The following SPEN variants were observed in gnomAD, a reference collection of about 807,000 sequenced individuals.
SPEN encodes spen family transcriptional repressor.
A neutral mutation model predicts 269.9 loss-of-function variants in SPEN; 18 were observed. That is an observed-to-expected ratio of 0.07 (90% confidence interval 0.05 to 0.10). The LOEUF (loss-of-function observed/expected upper bound fraction) is 0.10, where lower values mean the gene tolerates loss of function less well. SPEN is among the 10% of genes least tolerant of loss of function. The pLI, the probability that SPEN is intolerant of heterozygous loss-of-function variation, is 1.00. For missense variants in SPEN, 3,822 were observed against 4,631.2 expected, an observed-to-expected ratio of 0.83 and a Z score of 5.07; for synonymous variants, 1,726 against 1,765.7, an observed-to-expected ratio of 0.98 and a Z score of 0.56.
intron 3 of SPEN, among the ~76,000 whole-genome samples, chr1:15,901,378 C>T (rs1338807604): frequency 2.0e-5 from 3 of 151,148 alleles, no homozygotes; most frequent in African/African-American, 7.3e-5. Context: ...CGTGGTGGCT[C>T]ATGCCTGTAA....
chr1:15,922,729 C>T (rs2071131486), intron 10 of SPEN, among the ~76,000 whole-genome samples: 1 of 151,956 alleles, frequency 6.6e-6, no homozygotes, highest in Admixed American at 6.6e-5. Context: ...CTCAAGTGAT[C>T]CTCACACATC....
chr1:15,908,168 G>GTGCTAC (rs1018396435), intron 3 of SPEN, among the ~76,000 whole-genome samples: 2 of 151,028 alleles, frequency 1.3e-5, no homozygotes, highest in Middle Eastern at 3.2e-3. Flanking sequence ...TGAGGTAGTA[G>GTGCTAC]TGCTACTACT....
chr1:15,933,372 C>T lies in SPEN; in HGVS notation c.7132C>T (p.Pro2378Ser), dbSNP rs1460298130. The change falls in exon 11 of 15, where the codon CCC becomes TCC. Residue 2378 changes from proline (P) to serine (S), a missense_variant. Transcript: ENST00000375759. This position sits in a 1 kb window ranked among gnomAD's most constrained non-coding sequence, Gnocchi z 5.7. ...AAATGAGGGGACAACAGTACAGCAC[C>T]CCGAAGCCCCACAGGAAGAAAAGCA... ...AANEGTTVQH[P>S]EAPQEEKQSE... 1 of 1,614,116 alleles carries T rather than the reference C, an allele frequency of 6.2e-7. No individual in the cohort carries two copies. Among genetic ancestry groups the T allele is most frequent in the South Asian group, 1.1e-5 (1 of 91,082 alleles).
In SPEN at chr1:15,889,135, A is replaced by G. The variant is rs147550028; in HGVS notation, c.881+12457A>G. Among the ~76,000 whole-genome samples, 322 of 148,544 alleles carry G rather than the reference A, an allele frequency of 2.2e-3. 3 individuals carry two copies. Among genetic ancestry groups the G allele is most frequent in the African/African-American group, 7.7e-3 (308 of 40,124 alleles). On this transcript the variant is annotated intron_variant, in intron 3 of 14. Transcript: ENST00000375759. ...TAGGAATTCTCATTTTAAAATAAAC[A>G]TTAGCATTTTCTTTCTTTCTTTTCT...
intron 3 of SPEN, among the ~76,000 whole-genome samples, chr1:15,886,535 G>A (rs902886520): frequency 1.3e-5 from 2 of 152,204 alleles, no homozygotes; most frequent in African/African-American, 4.8e-5. Context: ...GGAGGGGCAG[G>A]ACGGCTGTGC....
rs184328908 is a variant in SPEN at position 15,904,344 on chromosome 1, G to A, written c.882-4977G>A. 4.1e-3 allele frequency among the ~76,000 whole-genome samples: 609 copies of A among 150,176 alleles called. 2 individuals are homozygous for A. The highest frequency in any genetic ancestry group is 6.6e-3 in the Admixed American group (98 of 14,846). ...AATACAAAATCACCTGGGCCTGGCG[G>A]CCAACAAACTACTTGGGAGGCTGAG... On this transcript the variant is annotated intron_variant, in intron 3 of 14. Transcript: ENST00000375759.
chr1:15,862,874 G>T (rs2070461773), intron 1 of SPEN, among the ~76,000 whole-genome samples: 1 of 151,642 alleles, frequency 6.6e-6, no homozygotes, highest in Admixed American at 6.6e-5. Flanking sequence ...CCATTCTCCT[G>T]CCTCAGCCTC....
In SPEN at chr1:15,929,655, G is replaced by A; in HGVS notation, c.3415G>A (p.Glu1139Lys). The change falls in exon 11 of 15, where the codon GAA (glutamate) becomes AAA (lysine). Residue 1139 changes from glutamate (E) to lysine (K), a missense_variant. Physicochemically the swap from Glu to Lys is moderately conservative, Grantham distance 56 (BLOSUM62 1). Transcript: ENST00000375759. The surrounding 1 kb of genome is among the most constrained non-coding windows in gnomAD (Gnocchi z 5.8). ...GAAAAACTATTGCAGTCTTCGTGAT[G>A]AAACACCTGAACGTAAATCAGGCCA... is the stretch of plus-strand genomic sequence containing the variant. ...VRKNYCSLRD[E>K]TPERKSGQEK... 1 of 1,614,140 alleles carries A rather than the reference G, an allele frequency of 6.2e-7. No homozygotes were observed. Among genetic ancestry groups the A allele is most frequent in the Non-Finnish European group, 8.5e-7 (1 of 1,180,014 alleles).
Position 15,928,088 on chromosome 1 carries a change from C to T in SPEN, c.1851-3C>T, listed in dbSNP as rs996599060. On this transcript the variant is annotated splice_polypyrimidine_tract_variant and splice_region_variant and intron_variant, in intron 10 of 14. Coordinates refer to ENST00000375759, the MANE Select transcript of SPEN (RefSeq NM_015001.3). This position sits in a 1 kb window ranked among gnomAD's most constrained non-coding sequence, Gnocchi z 5.7. ...AACTAATATCTTTGTTATTTTTTGGCAGAGAGGAACGAAGGGCATCCTACG... is the reference window on the plus strand; with the variant it reads ...AACTAATATCTTTGTTATTTTTTGGTAGAGAGGAACGAAGGGCATCCTACG... The T allele has an allele frequency of 6.4e-7, 1 of 1,574,312 alleles. No homozygotes were observed. Among genetic ancestry groups the T allele is most frequent in the Non-Finnish European group, 8.6e-7 (1 of 1,157,644 alleles).
chr1:15,852,916 G>A (rs2070350051), intron 1 of SPEN, among the ~76,000 whole-genome samples: 1 of 152,152 alleles, frequency 6.6e-6, no homozygotes. Context: ...AGTCACCCAA[G>A]ATGGATCACG....
At chr1:15,901,303 G>C (rs2070896794) in intron 3 of SPEN, among the ~76,000 whole-genome samples, 1 of 150,046 alleles carries the variant, frequency 6.7e-6, no homozygotes, top group East Asian at 1.9e-4. Context: ...CGAAAGAGTA[G>C]AGACTCTGTC....
rs766145774 is a variant in SPEN, at chr1:15,872,959, C to T, written c.227C>T (p.Thr76Met). Residue 76 changes from threonine to methionine, a missense_variant, in exon 2 of 15, where the codon ACG (threonine) becomes ATG (methionine). By Grantham distance (81) the Thr-to-Met change is moderately conservative (BLOSUM62 -1). Transcript: ENST00000375759. ...VNKMGDRDLR[T>M]DYNEPGTIPS... ...AAAATGGGTGACAGAGACCTACGCA[C>T]GGATTATAATGAACCAGGCACCATC... 10 of 1,613,942 alleles carry T rather than the reference C, an allele frequency of 6.2e-6. No individual in the cohort carries two copies. Among genetic ancestry groups the T allele is most frequent in the Admixed American group, 1.7e-5 (1 of 60,004 alleles).
chr1:15,907,223 T>C (rs1051592949), intron 3 of SPEN, among the ~76,000 whole-genome samples: 1 of 152,212 alleles, frequency 6.6e-6, no homozygotes, highest in Non-Finnish European at 1.5e-5. Context: ...GGCTCATGCC[T>C]GTATTCCCAG....
chr1:15,885,383 C>A (rs1239123937), intron 3 of SPEN, among the ~76,000 whole-genome samples: 1 of 152,162 alleles, frequency 6.6e-6, no homozygotes. Context: ...AAAACATATT[C>A]ATTGCTTTGG....
intron 1 of SPEN, among the ~76,000 whole-genome samples, chr1:15,867,810 A>G (rs1012069548): frequency 6.6e-6 from 1 of 150,912 alleles, no homozygotes; most frequent in Admixed American, 6.6e-5. Flanking sequence ...TAAATTTACC[A>G]TCTTTTCATG....
intron 10 of SPEN, among the ~76,000 whole-genome samples, chr1:15,926,566 T>C (rs2071169722): frequency 2.0e-5 from 3 of 152,122 alleles, no homozygotes; most frequent in African/African-American, 7.2e-5. Context: ...AGCTTTGATA[T>C]ATTTTTCTAA....
intron 2 of SPEN, chr1:15,874,015 A>T: frequency 8.2e-7 from 1 of 1,216,214 alleles, no homozygotes; most frequent in East Asian, 5.6e-5. Flanking sequence ...ACAAAAGTGA[A>T]CTATTGGCGA....
chr1:15,856,593 A>T (rs1196114836), intron 1 of SPEN, among the ~76,000 whole-genome samples: 1 of 130,014 alleles, frequency 7.7e-6, no homozygotes, highest in African/African-American at 2.9e-5. Context: ...TTTGAGACAG[A>T]GTCTTGCTGT....
intron 1 of SPEN, among the ~76,000 whole-genome samples, chr1:15,867,732 C>T (rs1357607593): frequency 6.7e-6 from 1 of 150,150 alleles, no homozygotes; most frequent in South Asian, 2.1e-4. Context: ...TTTTTAGCTG[C>T]CCTAGTGGGT....
Sources: allele counts gnomAD v4.1 joint callset (sites outside exome capture counted in the v4.1 genomes callset), GRCh38; gene constraint gnomAD v4.1.1; non-coding constraint Gnocchi (gnomAD v3.1); transcripts MANE v1.5; gene names NCBI Gene and HGNC (gene_info 2026-07-23, HGNC 2026-07-21).